Variants in PABPN1L observed in about 807,000 individuals in gnomAD.
PABPN1L encodes PABPN1 like, cytoplasmic.
In PABPN1L, 45 loss-of-function variants were observed where a neutral mutation model predicts 34.0. That is an observed-to-expected ratio of 1.32 (90% confidence interval 1.04 to 1.70). The LOEUF (loss-of-function observed/expected upper bound fraction) is 1.70, where lower values mean the gene tolerates loss of function less well. Among genes scored for constraint, PABPN1L ranks in the 40% most tolerant of loss-of-function variants. The pLI, the probability that PABPN1L is intolerant of heterozygous loss-of-function variation, is 0.00. For synonymous variants in PABPN1L, 182 were observed against 152.1 expected (o/e 1.20, Z -1.45); for missense variants, 459 against 367.8 (o/e 1.25, Z -2.03).
chr16:88,865,665 G>C, intron 2 of PABPN1L, 35 bp from the exon 3 acceptor site: 2 of 1,579,678 alleles, frequency 1.3e-6, no homozygotes, highest in Non-Finnish European at 1.7e-6. Flanking sequence ...GCAGGCCCTT[G>C]GTTCCTTCCT....
upstream of PABPN1L, among the ~76,000 whole-genome samples, chr16:88,869,406 G>A (rs749830967): frequency 6.6e-6 from 1 of 152,240 alleles, no homozygotes; most frequent in East Asian, 1.9e-4. Flanking sequence ...CACTGTTTCC[G>A]GGAGGGCTGC....
exon 2 of PABPN1L, chr16:88,865,813 C>A: frequency 6.2e-7 from 1 of 1,605,868 alleles, no homozygotes; most frequent in Non-Finnish European, 8.5e-7. Context: ...TACCCACGGT[C>A]TCAGGGCTCA....
At chr16:88,867,857 G>T (rs1321991707), upstream of PABPN1L, among the ~76,000 whole-genome samples, 1 of 152,170 alleles carries the variant, frequency 6.6e-6, no homozygotes, top group Non-Finnish European at 1.5e-5. Flanking sequence ...GGGCCAGGGG[G>T]TCATGCATGG....
rs772176535 is a variant in PABPN1L at position 88,865,916 on chromosome 16, A to G, written c.281T>C (p.Val94Ala). ...CCCCTCGGCCTGCTCCATGGCACAC[A>G]CCTTCATCTTGATGGCCTCCAGCTC... The change falls in exon 2 of 7, where the codon GTG becomes GCG. Residue 94 changes from valine to alanine, a missense_variant. Transcript: ENST00000419291. 1.8e-5 allele frequency: 29 copies of G among 1,607,828 alleles called. No homozygotes were observed. The Admixed American group carries it at 2.7e-4, about 15-fold the overall frequency.
chr16:88,867,900 G>T (rs899719543), upstream of PABPN1L, among the ~76,000 whole-genome samples: 2 of 152,186 alleles, frequency 1.3e-5, no homozygotes, highest in Non-Finnish European at 2.9e-5. Flanking sequence ...TGGGAGACGG[G>T]GCCCCCTGCA....
chr16:88,864,492 A>G, intron 5 of PABPN1L, 113 bp from the exon 6 acceptor site: 1 of 1,407,784 alleles, frequency 7.1e-7, no homozygotes, highest in Admixed American at 2.8e-5. Context: ...TCAGGATACC[A>G]TTCGGGCCTA....
upstream of PABPN1L, among the ~76,000 whole-genome samples, chr16:88,866,992 C>T (rs115682203): frequency 4.2e-3 from 641 of 152,344 alleles, 3 homozygotes; most frequent in African/African-American, 0.014. Context: ...AGTGGGAACA[C>T]GGGAGTGGTT....
upstream of PABPN1L, chr16:88,866,738 A>G (rs1968613502): frequency 1.6e-6 from 2 of 1,287,236 alleles, no homozygotes; most frequent in South Asian, 3.2e-5. Flanking sequence ...AGCATTTGCA[A>G]AGGCTGAGTG....
upstream of PABPN1L, among the ~76,000 whole-genome samples, chr16:88,869,741 G>A (rs1266783269): frequency 2.0e-5 from 3 of 152,230 alleles, no homozygotes; most frequent in Non-Finnish European, 4.4e-5. Context: ...AGGCCCTGAC[G>A]CATGCCCCTC....
chr16:88,868,252 C>T (rs1597643131), upstream of PABPN1L, among the ~76,000 whole-genome samples: 1 of 152,202 alleles, frequency 6.6e-6, no homozygotes, highest in South Asian at 2.1e-4. Flanking sequence ...GTTAAGGGTG[C>T]ACCCAGGAAA....
At chr16:88,865,709 T>A (rs1371902851) in intron 2 of PABPN1L, 79 bp from the exon 3 acceptor site, 1 of 1,555,218 alleles carries the variant, frequency 6.4e-7, no homozygotes, top group African/African-American at 1.4e-5. Context: ...CCCAGGCTTA[T>A]AGGGGAGGTG....
At chr16:88,863,780 G>A (rs755308690) in exon 7 of PABPN1L, 2 of 1,536,076 alleles carry the variant, frequency 1.3e-6, no homozygotes, top group South Asian at 2.4e-5. Context: ...ACCATGGTGA[G>A]AATTTTCCAC....
At chr16:88,868,530 C>T (rs1181150639), upstream of PABPN1L, among the ~76,000 whole-genome samples, 4 of 152,036 alleles carry the variant, frequency 2.6e-5, no homozygotes, top group Non-Finnish European at 5.9e-5. Flanking sequence ...CACTTGAACC[C>T]GGGAGGCAGA....
At chr16:88,866,394 C>G in exon 1 of PABPN1L, 1 of 1,551,070 alleles carries the variant, frequency 6.4e-7, no homozygotes, top group Non-Finnish European at 8.7e-7. Flanking sequence ...CTTGCTCCAG[C>G]AGAGACAGCA....
At chr16:88,869,212 G>C (rs143795386), upstream of PABPN1L, among the ~76,000 whole-genome samples, 1 of 152,188 alleles carries the variant, frequency 6.6e-6, no homozygotes, top group Non-Finnish European at 1.5e-5. Context: ...AGACCATGCT[G>C]TCACCCCATC....
At chr16:88,866,353 T>C in exon 1 of PABPN1L, 2 of 1,549,376 alleles carry the variant, frequency 1.3e-6, no homozygotes, top group Non-Finnish European at 8.7e-7. Context: ...AGCTGTTACC[T>C]GGTCAGGCAA....
At chr16:88,866,179 G>A (rs1968587957) in intron 1 of PABPN1L, among the ~76,000 whole-genome samples, 173 bp downstream of exon 1, 1 of 152,246 alleles carries the variant, frequency 6.6e-6, no homozygotes, top group African/African-American at 2.4e-5. Flanking sequence ...TGACCCTGCA[G>A]TCTGTGTGGC....
At chr16:88,869,470 C>T (rs141601602), upstream of PABPN1L, among the ~76,000 whole-genome samples, 2 of 152,360 alleles carry the variant, frequency 1.3e-5, no homozygotes, top group East Asian at 1.9e-4. Context: ...TCCTGCTGTC[C>T]GTCCAGTGTT....
rs373190927 is a variant in PABPN1L at position 88,865,582 on chromosome 16, C to G, written c.440G>C (p.Arg147Thr). The G allele has an allele frequency of 1.4e-5, 23 of 1,611,986 alleles. No homozygotes were observed. Among genetic ancestry groups the G allele is most frequent in the East Asian group, 4.5e-5 (2 of 44,860 alleles). Residue 147 changes from arginine to threonine, a missense_variant, in exon 3 of 7, where the codon AGA (arginine) becomes ACA (threonine). Transcript: ENST00000419291. Reference sequence around the variant, plus strand: ...ACTCACGTTGCCCACGTAGACGGATCTGTGGTCAGCCTCCACCTTCTCCTC... The same window carrying G: ...ACTCACGTTGCCCACGTAGACGGATGTGTGGTCAGCCTCCACCTTCTCCTC...
Sources: allele counts gnomAD v4.1 joint callset (sites outside exome capture counted in the v4.1 genomes callset), GRCh38; gene constraint gnomAD v4.1.1; transcripts MANE v1.5; gene names NCBI Gene and HGNC (gene_info 2026-07-23, HGNC 2026-07-21).